WASL: variants seen among roughly 807,000 people sequenced by gnomAD.
The protein encoded by WASL is actin nucleation-promoting factor WASL.
Under a neutral mutation model 55.5 loss-of-function variants are expected in WASL, and 20 were observed. The observed-to-expected ratio is 0.36, with a 90% CI of 0.25 to 0.52. The LOEUF (loss-of-function observed/expected upper bound fraction) is 0.52, where lower values mean the gene tolerates loss of function less well. Ranked by LOEUF, WASL falls within the 20% of genes least tolerant of loss-of-function variation. WASL has a pLI of 0.92. For synonymous variants in WASL, 249 were observed against 217.6 expected (o/e 1.14, Z -1.27); for missense variants, 504 against 622.5 (o/e 0.81, Z 2.03).
chr7:123,686,425 C>T (rs1393597097), intron 10 of WASL, among the ~76,000 whole-genome samples: 1 of 151,972 alleles, frequency 6.6e-6, no homozygotes, highest in African/African-American at 2.4e-5. Context: ...AAGACAGAAA[C>T]TTATCAGTAT....
At position 123,684,375 on chromosome 7, in the gene WASL, A is replaced by G. The variant is rs1380021119; in HGVS notation, c.*144T>C. On this transcript the variant is annotated 3_prime_UTR_variant, in exon 11 of 11. Transcript: ENST00000223023. ...CTTTACAGATTAAATGAGGTATTGC[A>G]CAGATTAAAAAAAAGCAAAAAAGGC... 5.9e-6 allele frequency: 2 copies of G among 339,860 alleles called. No individual in the cohort carries two copies. Among genetic ancestry groups the G allele is most frequent in the Non-Finnish European group, 1.1e-5 (2 of 181,994 alleles). The allele number at this position is 339,860 out of a possible 1,614,324, so 21.1% of individuals were successfully genotyped here.
At position 123,708,833 on chromosome 7, in the gene WASL, T is replaced by TA. The variant is rs752760474; in HGVS notation, c.252+255dup. On this transcript the variant is annotated intron_variant, in intron 2 of 10. Coordinates refer to ENST00000223023, the MANE Select transcript of WASL (RefSeq NM_003941.4). ...AGCCCAAGAACCAACAGGCATAATT[T>TA]AAAAAAAAAAAAAGCCTTAATGCGT... is the stretch of plus-strand genomic sequence containing the variant. 1.2e-3 allele frequency among the ~76,000 whole-genome samples: 165 copies of TA among 136,658 alleles called. 1 individual carries two copies. The highest frequency in any genetic ancestry group is 3.9e-3 in the East Asian group (19 of 4,820). 89.7% of individuals were successfully genotyped at this position (136,658 alleles called of 152,430 possible). A position where few individuals can be genotyped will look rare whatever the true frequency, so the allele number is the denominator to read the frequency against.
intron 1 of WASL, among the ~76,000 whole-genome samples, chr7:123,748,405 C>G (rs937548973): frequency 6.6e-5 from 10 of 152,130 alleles, no homozygotes; most frequent in Non-Finnish European, 1.5e-4. Flanking sequence ...CTCCCTTATT[C>G]TCCAGCAGCT....
chr7:123,726,783 T>C (rs1038792318), intron 1 of WASL, among the ~76,000 whole-genome samples: 4 of 152,082 alleles, frequency 2.6e-5, no homozygotes, highest in Non-Finnish European at 4.4e-5. Context: ...AGAGAATCAC[T>C]TGAACCCATG....
chr7:123,729,009 A>T (rs1804098795), intron 1 of WASL, among the ~76,000 whole-genome samples: 1 of 152,196 alleles, frequency 6.6e-6, no homozygotes, highest in South Asian at 2.1e-4. Flanking sequence ...TTGGACAAAA[A>T]TGTTAATAAG....
rs373167687 is a variant in WASL at position 123,709,089 on chromosome 7, C to T, written c.252G>A (p.Lys84=). ...RSYFLRIFDI[K]DGKLLWEQEL... is the part of the protein sequence containing the mutation. Reference sequence around the variant, plus strand: ...AAAGTGAAAGCAAAACAAAACTCACCTTAATGTCAAATATTCTTAAAAAAT... The same window carrying T: ...AAAGTGAAAGCAAAACAAAACTCACTTTAATGTCAAATATTCTTAAAAAAT... The change falls in exon 2 of 11, where the codon AAG becomes AAA. Residue 84 remains lysine, a splice_region_variant and synonymous_variant. Transcript: ENST00000223023. 15 of 1,599,894 alleles carry T rather than the reference C, an allele frequency of 9.4e-6. No individual in the cohort carries two copies. The highest frequency in any genetic ancestry group is 6.7e-5 in the African/African-American group (5 of 74,444).
At chr7:123,704,562 T>C in intron 5 of WASL, 72 bp downstream of exon 5, 2 of 1,209,298 alleles carry the variant, frequency 1.7e-6, no homozygotes, top group Non-Finnish European at 2.4e-6. Context: ...TACTAATGTA[T>C]GGTACATGTT....
intron 1 of WASL, among the ~76,000 whole-genome samples, chr7:123,739,736 A>T (rs1220436519): frequency 6.6e-6 from 1 of 152,176 alleles, no homozygotes; most frequent in Non-Finnish European, 1.5e-5. Context: ...ATCCATCATA[A>T]GTAGAAGAGC....
At position 123,741,416 on chromosome 7, in the gene WASL, C is replaced by T. The variant is rs371180276; in HGVS notation, c.117+7202G>A. On this transcript the variant is annotated intron_variant, in intron 1 of 10. Coordinates refer to ENST00000223023, the MANE Select transcript of WASL (RefSeq NM_003941.4). ...GTCACAGTTTCCAAGAATCCATCAA[C>T]GATGCTAGGTGACCTATAAGAATTA... Among the ~76,000 whole-genome samples the T allele has an allele frequency of 5.3e-5, 8 of 152,208 alleles. No individual in the cohort carries two copies. The East Asian group carries it at 1.2e-3, about 22-fold the overall frequency.
chr7:123,726,599 G>A (rs1420554694), intron 1 of WASL, among the ~76,000 whole-genome samples: 1 of 152,172 alleles, frequency 6.6e-6, no homozygotes, highest in Non-Finnish European at 1.5e-5. Context: ...CAGGTGTGGT[G>A]GCTGCCTGTA....
intron 1 of WASL, among the ~76,000 whole-genome samples, chr7:123,736,785 AAT>A (rs1804239955): frequency 6.6e-6 from 1 of 152,232 alleles, no homozygotes; most frequent in Non-Finnish European, 1.5e-5. Flanking sequence ...GGGAAGCCTC[AAT>A]ATGTCAATCT....
At chr7:123,714,606 C>T (rs997801254) in intron 1 of WASL, among the ~76,000 whole-genome samples, 6 of 152,128 alleles carry the variant, frequency 3.9e-5, no homozygotes, top group South Asian at 4.1e-4. Context: ...CTCTGCCAGA[C>T]ATATTTGTTC....
chr7:123,748,430 C>T (rs895002732), intron 1 of WASL, among the ~76,000 whole-genome samples, 188 bp downstream of exon 1: 2 of 151,932 alleles, frequency 1.3e-5, no homozygotes, highest in African/African-American at 2.4e-5. Context: ...AAGGCGGCGC[C>T]CGACCGCCAC....
intron 1 of WASL, among the ~76,000 whole-genome samples, chr7:123,712,160 T>TG (rs1803769449): frequency 6.7e-6 from 1 of 150,256 alleles, no homozygotes; most frequent in South Asian, 2.1e-4. Context: ...GTTTGTTTGG[T>TG]TTTTTTTTCA....
At chr7:123,745,847 C>T (rs935743336) in intron 1 of WASL, among the ~76,000 whole-genome samples, 6 of 152,078 alleles carry the variant, frequency 3.9e-5, no homozygotes, top group African/African-American at 1.4e-4. Context: ...CTGTTTCATA[C>T]CTCTCATCAG....
intron 1 of WASL, among the ~76,000 whole-genome samples, chr7:123,744,469 T>C (rs1409703756): frequency 6.6e-6 from 1 of 151,928 alleles, no homozygotes; most frequent in African/African-American, 2.4e-5. Flanking sequence ...TTATATATAG[T>C]GAGGAAACAA....
At chr7:123,703,508 A>C (rs1039930573) in intron 5 of WASL, among the ~76,000 whole-genome samples, 3 of 152,174 alleles carry the variant, frequency 2.0e-5, no homozygotes, top group African/African-American at 7.2e-5. Context: ...CAGCCCTAAA[A>C]AGTATTAATA....
chr7:123,732,917 T>C (rs891126130), intron 1 of WASL, among the ~76,000 whole-genome samples: 2 of 152,064 alleles, frequency 1.3e-5, no homozygotes, highest in African/African-American at 4.8e-5. Context: ...ATCATATCAA[T>C]AGGCTAAAGA....
chr7:123,748,663 CG>C lies in WASL; in HGVS notation c.71del (p.Pro24ArgfsTer16). 1 of 1,613,066 alleles carries C rather than the reference CG, an allele frequency of 6.2e-7. No individual in the cohort carries two copies. Among genetic ancestry groups the C allele is most frequent in the Non-Finnish European group, 8.5e-7 (1 of 1,179,562 alleles). On this transcript the variant is annotated frameshift_variant, in exon 1 of 11. Transcript: ENST00000223023. LOFTEE classifies it high-confidence loss of function. ...VTNVGSLLLT[P>X]QENESLFTFL... The stretch of plus-strand genomic sequence containing the variant: ...AAGTGAAGAGGGACTCGTTCTCCTG[CG>C]GGGTGAGCAACAGGGACCCCACGTT...
Sources: gnomAD v4.1 joint callset for allele counts (sites outside exome capture counted in the v4.1 genomes callset) on GRCh38, gnomAD v4.1.1 for gene constraint, MANE v1.5 for transcripts, NCBI Gene and HGNC (gene_info 2026-07-23, HGNC 2026-07-21) for gene names.